Variants in CCDC148 observed in about 807,000 individuals in gnomAD.
The protein encoded by CCDC148 is coiled-coil domain-containing protein 148.
A neutral mutation model predicts 85.7 loss-of-function variants in CCDC148; 89 were observed. The ratio of observed to expected loss-of-function variants is 1.04; its 90% CI spans 0.87 to 1.24. The LOEUF is 1.24. Ranked by LOEUF, CCDC148 falls within the 50% of genes most tolerant of loss-of-function variation. The pLI is 0.00. For synonymous variants in CCDC148, 230 were observed against 213.9 expected, an observed-to-expected ratio of 1.08 and a Z score of -0.66; for missense variants, 692 against 671.7, an observed-to-expected ratio of 1.03 and a Z score of -0.33.
At chr2:158,444,011 G>A (rs925646767) in intron 1 of CCDC148, among the ~76,000 whole-genome samples, 2 of 152,126 alleles carry the variant, frequency 1.3e-5, no homozygotes, top group African/African-American at 4.8e-5. Context: ...TACAAAATAC[G>A]TCAGGCTATC....
intron 1 of CCDC148, among the ~76,000 whole-genome samples, chr2:158,437,468 G>C (rs1687715403): frequency 6.6e-6 from 1 of 152,058 alleles, no homozygotes; most frequent in African/African-American, 2.4e-5. Context: ...GGTATTGATG[G>C]GACATATCTC....
intron 1 of CCDC148, among the ~76,000 whole-genome samples, chr2:158,395,638 A>C (rs1387353483): frequency 6.6e-6 from 1 of 152,152 alleles, no homozygotes; most frequent in African/African-American, 2.4e-5. Flanking sequence ...TTCCCTGCCT[A>C]TGTGAGATCC....
intron 1 of CCDC148, among the ~76,000 whole-genome samples, chr2:158,442,025 A>C (rs1687955352): frequency 6.6e-6 from 1 of 152,160 alleles, no homozygotes; most frequent in African/African-American, 2.4e-5. Context: ...GTGGAAAAAT[A>C]TGTTTTACAC....
chr2:158,258,200 CTG>C (rs146473860), intron 9 of CCDC148, among the ~76,000 whole-genome samples: 12,437 of 151,904 alleles, frequency 0.082, 703 homozygotes, highest in Admixed American at 0.15. Context: ...TATTTCCATT[CTG>C]TGTGTGTTCA....
intron 11 of CCDC148, among the ~76,000 whole-genome samples, chr2:158,217,949 GC>G (rs1686979336): frequency 6.6e-6 from 1 of 152,142 alleles, no homozygotes; most frequent in Admixed American, 6.5e-5. Context: ...ATTTCTTAGT[GC>G]TATGCAGTTA....
chr2:158,179,010 AC>A lies in CCDC148; in HGVS notation c.1371-15del. On this transcript the variant is annotated splice_polypyrimidine_tract_variant and intron_variant, in intron 11 of 13. Transcript: ENST00000283233. ...CTATATTTAACCCTTTAAAAATAAC[AC>A]AGAAGGAAGTTGTGGAAGCATCATA... The A allele has an allele frequency of 6.3e-7, 1 of 1,583,990 alleles. No homozygotes were observed. Among genetic ancestry groups the A allele is most frequent in the Non-Finnish European group, 8.7e-7 (1 of 1,154,216 alleles).
intron 10 of CCDC148, among the ~76,000 whole-genome samples, chr2:158,229,387 T>C (rs4315473): frequency 0.66 from 99,963 of 152,042 alleles, 34,043 homozygotes; most frequent in East Asian, 0.89. Flanking sequence ...AGCTAAAGTG[T>C]CTAAAACATA....
chr2:158,322,826 C>T (rs1037222293), intron 7 of CCDC148, among the ~76,000 whole-genome samples: 12 of 151,726 alleles, frequency 7.9e-5, no homozygotes, highest in Non-Finnish European at 1.2e-4. Context: ...AGTCAGATCT[C>T]GAATAATAAT....
intron 1 of CCDC148, among the ~76,000 whole-genome samples, chr2:158,444,474 T>C (rs1688074655): frequency 1.3e-5 from 2 of 151,996 alleles, no homozygotes; most frequent in African/African-American, 2.4e-5. Context: ...AAATTATTTC[T>C]AGTGGTTTCA....
At chr2:158,356,756 A>G (rs1181963571) in intron 2 of CCDC148, among the ~76,000 whole-genome samples, 24 of 145,452 alleles carry the variant, frequency 1.7e-4, no homozygotes, top group African/African-American at 6.0e-4. Flanking sequence ...ACTATAAATC[A>G]TGCTGCTATA....
intron 8 of CCDC148, among the ~76,000 whole-genome samples, chr2:158,310,843 C>T (rs567269247): frequency 4.1e-5 from 6 of 147,750 alleles, no homozygotes; most frequent in African/African-American, 5.0e-5. Context: ...GATGGGATGA[C>T]GGCCAGGAAG....
At chr2:158,226,523 T>C (rs566196316) in intron 10 of CCDC148, among the ~76,000 whole-genome samples, 28 of 152,294 alleles carry the variant, frequency 1.8e-4, no homozygotes, top group African/African-American at 5.5e-4. Flanking sequence ...TTTAGACCAA[T>C]ATCCCTGATG....
At chr2:158,225,556 T>C (rs1276070653) in intron 10 of CCDC148, among the ~76,000 whole-genome samples, 1 of 152,178 alleles carries the variant, frequency 6.6e-6, no homozygotes, top group Non-Finnish European at 1.5e-5. Flanking sequence ...TAGTTGGAAG[T>C]AAAGCACTCC....
At chr2:158,184,863 A>T (rs1385864495) in intron 11 of CCDC148, among the ~76,000 whole-genome samples, 1 of 152,176 alleles carries the variant, frequency 6.6e-6, no homozygotes, top group Admixed American at 6.5e-5. Context: ...TTTCTGATTC[A>T]GTAGTTGTCA....
chr2:158,260,831 G>T (rs1689192261), intron 9 of CCDC148, among the ~76,000 whole-genome samples: 1 of 151,918 alleles, frequency 6.6e-6, no homozygotes, highest in Non-Finnish European at 1.5e-5. Flanking sequence ...TCTCTACAAT[G>T]AGAATTACAA....
At position 158,400,805 on chromosome 2, in the gene CCDC148, C is replaced by T. The variant is rs527548089; in HGVS notation, c.26-42235G>A. Among the ~76,000 whole-genome samples, 1,024 of 152,250 alleles carry T rather than the reference C, an allele frequency of 6.7e-3. 14 individuals carry two copies. The highest frequency in any genetic ancestry group is 0.023 in the African/African-American group (976 of 41,550). On this transcript the variant is annotated intron_variant, in intron 1 of 13. Coordinates refer to ENST00000283233, the MANE Select transcript of CCDC148 (RefSeq NM_138803.4). ...AATGGGAGAAAATTTTTGCAATCTA[C>T]TCATCTGACAAAGGGCTAATATCCA...
intron 7 of CCDC148, among the ~76,000 whole-genome samples, chr2:158,337,552 G>A (rs1361204127): frequency 6.6e-6 from 1 of 152,082 alleles, no homozygotes; most frequent in South Asian, 2.1e-4. Context: ...ATCATCAAGT[G>A]TAAATTGTAT....
chr2:158,333,278 A>G (rs1321282574), intron 7 of CCDC148, among the ~76,000 whole-genome samples: 1 of 152,016 alleles, frequency 6.6e-6, no homozygotes, highest in Admixed American at 6.6e-5. Context: ...TTTGTTATTT[A>G]CCCAGTAGTC....
At chr2:158,345,104 T>C (rs1682926415) in intron 3 of CCDC148, 111 bp downstream of exon 3, 1 of 697,924 alleles carries the variant, frequency 1.4e-6, no homozygotes, top group Non-Finnish European at 2.3e-6. Context: ...ATCGTAACTT[T>C]AAATTTTTAT....
Sources: allele counts gnomAD v4.1 joint callset (sites outside exome capture counted in the v4.1 genomes callset), GRCh38; gene constraint gnomAD v4.1.1; transcripts MANE v1.5; gene names NCBI Gene and HGNC (gene_info 2026-07-23, HGNC 2026-07-21).